Variants in ENTREP2 observed in about 807,000 individuals in gnomAD.
ENTREP2 encodes the protein endosomal transmembrane epsin interactor 2.
the ENTREP2 span, among the ~76,000 whole-genome samples, chr15:29,273,957 T>C: frequency 6.6e-6 from 1 of 152,196 alleles, no homozygotes; most frequent in Non-Finnish European, 1.5e-5. Context: ...AGATGGCCTA[T>C]TGTGGGGCTT....
chr15:29,650,115 G>A, the ENTREP2 span, among the ~76,000 whole-genome samples: 1 of 151,980 alleles, frequency 6.6e-6, no homozygotes, highest in Non-Finnish European at 1.5e-5. Context: ...GCTAAAGGTT[G>A]CCTGTAAATT....
chr15:29,557,518 G>A, the ENTREP2 span, among the ~76,000 whole-genome samples: 49 of 152,206 alleles, frequency 3.2e-4, no homozygotes, highest in African/African-American at 1.2e-3. Context: ...AATTCTGAGA[G>A]CCCATTCAAG....
the ENTREP2 span, chr15:29,374,913 T>C: frequency 6.6e-6 from 1 of 152,230 alleles, no homozygotes; most frequent in Non-Finnish European, 1.5e-5. Flanking sequence ...TTTTCATCAG[T>C]AGAAGTTCAA....
At chr15:29,650,238 T>A in the ENTREP2 span, among the ~76,000 whole-genome samples, 1 of 151,916 alleles carries the variant, frequency 6.6e-6, no homozygotes, top group Non-Finnish European at 1.5e-5. Flanking sequence ...TACTCACTAA[T>A]ATTAAAGGTA....
At chr15:29,188,913 G>A in the ENTREP2 span, among the ~76,000 whole-genome samples, 1 of 152,190 alleles carries the variant, frequency 6.6e-6, no homozygotes, top group Non-Finnish European at 1.5e-5. Flanking sequence ...CTGCGTCAGC[G>A]AACACATCCC....
the ENTREP2 span, among the ~76,000 whole-genome samples, chr15:29,430,214 C>T: frequency 2.0e-5 from 3 of 152,168 alleles, no homozygotes; most frequent in Non-Finnish European, 2.9e-5. Context: ...ATGGCTGGCT[C>T]CACTCATCCT....
At chr15:29,450,852 C>T in the ENTREP2 span, among the ~76,000 whole-genome samples, 1 of 152,108 alleles carries the variant, frequency 6.6e-6, no homozygotes, top group Admixed American at 6.5e-5. Flanking sequence ...AATGCAGGAA[C>T]AGAAAACCAA....
At chr15:29,327,360 C>T in the ENTREP2 span, among the ~76,000 whole-genome samples, 14 of 151,932 alleles carry the variant, frequency 9.2e-5, no homozygotes, top group East Asian at 1.9e-4. Context: ...TTTGGGAGGC[C>T]GAGGTGGGAG....
chr15:29,531,314 G>T, the ENTREP2 span, among the ~76,000 whole-genome samples: 1 of 152,170 alleles, frequency 6.6e-6, no homozygotes, highest in Admixed American at 6.5e-5. Flanking sequence ...AGGGCTCTTT[G>T]CAGACACGCC....
chr15:29,217,657 C>A, the ENTREP2 span, among the ~76,000 whole-genome samples: 1 of 152,062 alleles, frequency 6.6e-6, no homozygotes, highest in Non-Finnish European at 1.5e-5. Flanking sequence ...TCTCCCTTCA[C>A]TTCTTGTATC....
the ENTREP2 span, among the ~76,000 whole-genome samples, chr15:29,303,869 C>T: frequency 2.0e-5 from 3 of 151,940 alleles, no homozygotes; most frequent in African/African-American, 7.3e-5. Context: ...TTTATATGTA[C>T]CACATTTTCT....
chr15:29,624,300 CTG>C, the ENTREP2 span, among the ~76,000 whole-genome samples: 1 of 151,426 alleles, frequency 6.6e-6, no homozygotes, highest in Non-Finnish European at 1.5e-5. Flanking sequence ...CTCTTTCCTT[CTG>C]TCTCCCAATA....
the ENTREP2 span, among the ~76,000 whole-genome samples, chr15:29,546,198 A>G: frequency 6.6e-6 from 1 of 152,174 alleles, no homozygotes; most frequent in African/African-American, 2.4e-5. Context: ...TCTAATACAC[A>G]AGGGAAAGCC....
chr15:29,319,203 G>A, the ENTREP2 span, among the ~76,000 whole-genome samples: 1 of 152,186 alleles, frequency 6.6e-6, no homozygotes, highest in African/African-American at 2.4e-5. Flanking sequence ...CACTTCAGAT[G>A]AACGGAAATC....
At chr15:29,626,513 C>A in the ENTREP2 span, among the ~76,000 whole-genome samples, 1 of 152,216 alleles carries the variant, frequency 6.6e-6, no homozygotes, top group Non-Finnish European at 1.5e-5. Flanking sequence ...GTTCATTAAA[C>A]CTCTTTCCAT....
chr15:29,425,130 G>A, the ENTREP2 span, among the ~76,000 whole-genome samples: 11 of 151,962 alleles, frequency 7.2e-5, no homozygotes, highest in South Asian at 2.1e-4. Flanking sequence ...CAGGGTTCAC[G>A]CCATTCTCCT....
At chr15:29,223,666 C>A in the ENTREP2 span, among the ~76,000 whole-genome samples, 1 of 152,224 alleles carries the variant, frequency 6.6e-6, no homozygotes, top group Middle Eastern at 3.4e-3. Flanking sequence ...CTGCTAAACA[C>A]AATGCGGGCC....
At chr15:29,359,230 G>A in the ENTREP2 span, among the ~76,000 whole-genome samples, 2 of 152,088 alleles carry the variant, frequency 1.3e-5, no homozygotes, top group African/African-American at 4.8e-5. Context: ...AGAACACGAA[G>A]GAGTGTTTTC....
the ENTREP2 span, among the ~76,000 whole-genome samples, chr15:29,551,106 A>G: frequency 6.6e-6 from 1 of 152,134 alleles, no homozygotes; most frequent in East Asian, 1.9e-4. Flanking sequence ...GCCACACAAC[A>G]TGGTTTGAAC....
Sources: allele counts gnomAD v4.1 joint callset (sites outside exome capture counted in the v4.1 genomes callset), GRCh38; gene constraint gnomAD v4.1.1; transcripts MANE v1.5; gene names NCBI Gene and HGNC (gene_info 2026-07-23, HGNC 2026-07-21).